ENTREP1: variants seen among roughly 807,000 people sequenced by gnomAD.
ENTREP1 encodes the protein Friedreich ataxia region gene X123.
At chr9:69,339,303 G>A in the ENTREP1 span, among the ~76,000 whole-genome samples, 1 of 152,186 alleles carries the variant, frequency 6.6e-6, no homozygotes, top group East Asian at 1.9e-4. Flanking sequence ...TTACAGGTAT[G>A]AGCCACTATG....
the ENTREP1 span, among the ~76,000 whole-genome samples, chr9:69,335,123 C>T: frequency 6.6e-6 from 1 of 152,076 alleles, no homozygotes; most frequent in South Asian, 2.1e-4. Context: ...GCAACATGAG[C>T]TCCTTCTCAC....
At chr9:69,339,927 G>A in the ENTREP1 span, among the ~76,000 whole-genome samples, 1 of 152,118 alleles carries the variant, frequency 6.6e-6, no homozygotes, top group African/African-American at 2.4e-5. Context: ...TCTGTGATTA[G>A]CCTATGTACC....
chr9:69,366,384 G>GTTTTTTT, the ENTREP1 span, among the ~76,000 whole-genome samples: 846 of 122,786 alleles, frequency 6.9e-3, 35 homozygotes, highest in African/African-American at 0.015. Flanking sequence ...TTCCAACTGG[G>GTTTTTTT]GTTTTTTTTT....
chr9:69,383,073 T>G, the ENTREP1 span: 1 of 985,038 alleles, frequency 1.0e-6, no homozygotes, highest in Non-Finnish European at 1.2e-6. Flanking sequence ...AATTTTGCTG[T>G]TGACGGTTCT....
the ENTREP1 span, chr9:69,387,682 A>G: frequency 9.1e-6 from 3 of 328,072 alleles, no homozygotes; most frequent in Non-Finnish European, 1.8e-5. Flanking sequence ...TTTGGGACAA[A>G]GGTATAGTCA....
the ENTREP1 span, chr9:69,325,566 C>T: frequency 8.2e-7 from 1 of 1,214,808 alleles, no homozygotes; most frequent in Non-Finnish European, 1.0e-6. Context: ...GCCGCCGCGG[C>T]CCCGGGCTCC....
the ENTREP1 span, chr9:69,386,477 T>A: frequency 6.6e-6 from 1 of 152,308 alleles, no homozygotes; most frequent in East Asian, 1.9e-4. Flanking sequence ...GTTACCTGAA[T>A]AATTAAAAAT....
At chr9:69,384,838 A>G in the ENTREP1 span, among the ~76,000 whole-genome samples, 12 of 53,368 alleles carry the variant, frequency 2.2e-4, no homozygotes, top group Non-Finnish European at 4.4e-4. Flanking sequence ...TTCACCTTCC[A>G]TCCTAAGTAG....
At chr9:69,391,317 G>T in the ENTREP1 span, among the ~76,000 whole-genome samples, 2 of 152,158 alleles carry the variant, frequency 1.3e-5, no homozygotes, top group African/African-American at 4.8e-5. Context: ...AGACTTCAGA[G>T]AAATTAGAGA....
the ENTREP1 span, among the ~76,000 whole-genome samples, chr9:69,332,113 A>C: frequency 6.6e-6 from 1 of 152,166 alleles, no homozygotes; most frequent in Non-Finnish European, 1.5e-5. Flanking sequence ...CTCTGTTCCC[A>C]TTACCATTCG....
chr9:69,378,731 C>T, the ENTREP1 span, among the ~76,000 whole-genome samples: 1 of 150,220 alleles, frequency 6.7e-6, no homozygotes, highest in African/African-American at 2.5e-5. Context: ...TGCACTCCAG[C>T]CTGGGTGAGA....
chr9:69,367,408 T>C, the ENTREP1 span, among the ~76,000 whole-genome samples: 1 of 151,464 alleles, frequency 6.6e-6, no homozygotes, highest in South Asian at 2.1e-4. Flanking sequence ...ATTGATATTT[T>C]GATAGGGATT....
the ENTREP1 span, among the ~76,000 whole-genome samples, chr9:69,340,667 G>A: frequency 0.23 from 4,267 of 18,902 alleles, 265 homozygotes; most frequent in South Asian, 0.46. Flanking sequence ...GTGTGTGTGC[G>A]TGTGTGTGTG....
At chr9:69,329,529 C>T in the ENTREP1 span, 2 of 984,716 alleles carry the variant, frequency 2.0e-6, no homozygotes, top group Non-Finnish European at 2.4e-6. Flanking sequence ...TTCATTCATA[C>T]TTTCAGCAAC....
chr9:69,354,095 A>G, the ENTREP1 span, among the ~76,000 whole-genome samples: 3 of 152,076 alleles, frequency 2.0e-5, no homozygotes, highest in African/African-American at 7.2e-5. Flanking sequence ...TATAAAAGAT[A>G]CATAATTTGT....
At chr9:69,377,519 C>A in the ENTREP1 span, 15 of 1,606,136 alleles carry the variant, frequency 9.3e-6, no homozygotes, top group East Asian at 3.1e-4. Context: ...TTCCGCTGAG[C>A]CAGCCCATGG....
chr9:69,340,666 C>CGTGTGTGTGTGTGCAT, the ENTREP1 span, among the ~76,000 whole-genome samples: 2 of 108,650 alleles, frequency 1.8e-5, no homozygotes, highest in Admixed American at 9.4e-5. Flanking sequence ...TGTGTGTGTG[C>CGTGTGTGTGTGTGCAT]GTGTGTGTGT....
the ENTREP1 span, chr9:69,375,656 C>T: frequency 2.6e-6 from 3 of 1,137,556 alleles, no homozygotes; most frequent in Non-Finnish European, 3.9e-6. Flanking sequence ...TCTCATTCTA[C>T]AGGATTGGTG....
At chr9:69,327,574 T>G in the ENTREP1 span, among the ~76,000 whole-genome samples, 6 of 151,828 alleles carry the variant, frequency 4.0e-5, no homozygotes, top group African/African-American at 1.5e-4. Flanking sequence ...CAGAGGTAAA[T>G]GCACTTAGAT....
Sources: allele counts gnomAD v4.1 joint callset (sites outside exome capture counted in the v4.1 genomes callset), GRCh38; gene constraint gnomAD v4.1.1; transcripts MANE v1.5; gene names NCBI Gene and HGNC (gene_info 2026-07-23, HGNC 2026-07-21).